POLRMT: variants seen among roughly 807,000 people sequenced by gnomAD.
POLRMT encodes the protein DNA-directed RNA polymerase, mitochondrial.
Under a neutral mutation model 132.2 loss-of-function variants are expected in POLRMT, and 114 were observed. The observed-to-expected ratio is 0.86, with a 90% CI of 0.74 to 1.01. The LOEUF (loss-of-function observed/expected upper bound fraction) is 1.01, where lower values mean the gene tolerates loss of function less well. Among genes scored for constraint, POLRMT ranks in the 50% least tolerant of loss-of-function variants. POLRMT has a pLI of 0.00. For synonymous variants in POLRMT, 1,020 were observed against 773.4 expected (o/e 1.32, Z -5.29); for missense variants, 2,003 against 1,729.1 (o/e 1.16, Z -2.81).
At chr19:626,909 A>ATT (rs1568173718) in intron 3 of POLRMT, among the ~76,000 whole-genome samples, 2 of 150,312 alleles carry the variant, frequency 1.3e-5, no homozygotes, top group African/African-American at 4.9e-5. Context: ...ATATATATAT[A>ATT]TATATAAAAT....
chr19:620,969 G>A (rs1476090272), intron 10 of POLRMT, 89 bp downstream of exon 10: 1 of 725,706 alleles, frequency 1.4e-6, no homozygotes, highest in Non-Finnish European at 1.9e-6. Context: ...CGGGCAGGGG[G>A]CGCGGGGGCG....
Position 620,971 on chromosome 19 carries a change from GCGGGGGCGC to G in POLRMT, c.2640+78_2640+86del, listed in dbSNP as rs1440488131. ...GGGAGGAGGAAGACGGGCAGGGGGC[GCGGGGGCGC>G]CGGGGGAGGGCGCGGGGGCGCCGGG... On this transcript the variant is annotated intron_variant, in intron 10 of 20. Transcript: ENST00000588649. 10 of 781,642 alleles carry G rather than the reference GCGGGGGCGC, an allele frequency of 1.3e-5. No individual in the cohort carries two copies. The African/African-American group carries it at 2.0e-4, about 15-fold the overall frequency. The allele number at this position is 781,642 out of a possible 1,614,324, so 48.4% of individuals were successfully genotyped here.
intron 2 of POLRMT, 58 bp from the exon 3 acceptor site, chr19:630,226 T>C: frequency 1.3e-6 from 2 of 1,521,224 alleles, no homozygotes; most frequent in Non-Finnish European, 1.8e-6. Flanking sequence ...CGAGCACCCG[T>C]CTCTCTGGAC....
At position 617,486 on chromosome 19, in the gene POLRMT, G is replaced by C; in HGVS notation, c.3582-6C>G. 2 of 1,590,768 alleles carry C rather than the reference G, an allele frequency of 1.3e-6. No individual in the cohort carries two copies. The highest frequency in any genetic ancestry group is 1.7e-6 in the Non-Finnish European group (2 of 1,165,624). ...CCTCCAAGATCTTCTGGGGCCTGGGGTTGGAAGCAGGGTGGGGTGAGGCTG... is the reference window on the plus strand; with the variant it reads ...CCTCCAAGATCTTCTGGGGCCTGGGCTTGGAAGCAGGGTGGGGTGAGGCTG... On this transcript the variant is annotated splice_region_variant and splice_polypyrimidine_tract_variant and intron_variant, in intron 19 of 20. Transcript: ENST00000588649.
chr19:630,262 T>C, intron 2 of POLRMT, 94 bp from the exon 3 acceptor site: 2 of 1,431,416 alleles, frequency 1.4e-6, no homozygotes, highest in Non-Finnish European at 1.9e-6. Flanking sequence ...GAGGTGCAGG[T>C]GGCTGAGCTC....
intron 17 of POLRMT, 65 bp from the exon 18 acceptor site, chr19:617,914 C>G: frequency 6.7e-7 from 1 of 1,482,970 alleles, no homozygotes; most frequent in Non-Finnish European, 9.4e-7. Flanking sequence ...GACCAGCATC[C>G]TGGCCCTGCG....
chr19:619,660 C>G lies in POLRMT; in HGVS notation c.2992G>C (p.Val998Leu), dbSNP rs1373258722. 6.2e-7 allele frequency: 1 copy of G among 1,610,610 alleles called. No individual in the cohort carries two copies. The highest frequency in any genetic ancestry group is 8.5e-7 in the Non-Finnish European group (1 of 1,179,620). ...CCGCCATAGCGCGTGACCCCGTACA[C>G]CACCGTCATCACCGTCTGCTTCACC... ...KVVKQTVMTV[V>L]YGVTRYGGRL... The change falls in exon 13 of 21, where the codon GTG becomes CTG. Residue 998 changes from valine to leucine, a missense_variant. Val to Leu is a conservative substitution (Grantham distance 32). Transcript: ENST00000588649.
chr19:622,107 C>T, intron 9 of POLRMT, 42 bp downstream of exon 9: 2 of 1,493,582 alleles, frequency 1.3e-6, no homozygotes, highest in Non-Finnish European at 1.8e-6. Context: ...CCTGGTCCTC[C>T]CAGCGGGATG....
chr19:627,800 C>T (rs898333703), intron 3 of POLRMT, among the ~76,000 whole-genome samples: 3 of 151,726 alleles, frequency 2.0e-5, no homozygotes, highest in Admixed American at 1.3e-4. Flanking sequence ...TGGTGAGTCC[C>T]TGTAATCCCA....
chr19:620,973 GGGGGCGCC>G lies in POLRMT; in HGVS notation c.2640+77_2640+84del, dbSNP rs1204045363. On this transcript the variant is annotated intron_variant, in intron 10 of 20. Coordinates refer to ENST00000588649, the MANE Select transcript of POLRMT (RefSeq NM_005035.4). ...GAGGAGGAAGACGGGCAGGGGGCGC[GGGGGCGCC>G]GGGGGAGGGCGCGGGGGCGCCGGGG... 1.1e-4 allele frequency: 85 copies of G among 772,852 alleles called. 6 individuals are homozygous for G. Among genetic ancestry groups the G allele is most frequent in the Middle Eastern group, 9.3e-4 (2 of 2,156 alleles). The allele number at this position is 772,852 out of a possible 1,614,324, so 47.9% of individuals were successfully genotyped here.
chr19:632,788 G>A (rs1357511493), intron 2 of POLRMT, 46 bp downstream of exon 2: 8 of 1,464,818 alleles, frequency 5.5e-6, no homozygotes, highest in Admixed American at 2.1e-5. Context: ...CCCGGCAGCA[G>A]GGAGCGGACT....
chr19:617,810 C>G lies in POLRMT; in HGVS notation c.3462G>C (p.Trp1154Cys), dbSNP rs1253103832. Residue 1154 changes from tryptophan to cysteine, a missense_variant, in exon 18 of 21, where the codon TGG (tryptophan) becomes TGC (cysteine). Trp to Cys is a radical substitution (Grantham distance 215). Transcript: ENST00000588649. Reference sequence around the variant, plus strand: ...TGACGGAGACATCAGCTGCGTGAGTCCAGTAACAGTCGTGCACAGAGACGA... The same window carrying G: ...TGACGGAGACATCAGCTGCGTGAGTGCAGTAACAGTCGTGCACAGAGACGA... The part of the protein sequence containing the change: ...LTFVSVHDCY[W>C]THAADVSVMN... 6.2e-7 allele frequency: 1 copy of G among 1,613,340 alleles called. No homozygotes were observed. Among genetic ancestry groups the G allele is most frequent in the African/African-American group, 1.3e-5 (1 of 75,010 alleles).
Position 621,057 on chromosome 19 carries a change from C to A in POLRMT, c.2640+1G>T. 1 of 1,589,078 alleles carries A rather than the reference C, an allele frequency of 6.3e-7. No homozygotes were observed. Among genetic ancestry groups the A allele is most frequent in the Non-Finnish European group, 8.5e-7 (1 of 1,171,916 alleles). ...GGGGAATGCGGGGGCCCCGCCCCTA[C>A]CGTCAAGGGTTGGTCCGCGGAGTCC... is the stretch of plus-strand genomic sequence containing the variant. On this transcript the variant is annotated splice_donor_variant, in intron 10 of 20. Coordinates refer to ENST00000588649, the MANE Select transcript of POLRMT (RefSeq NM_005035.4). LOFTEE classifies it high-confidence loss of function.
In POLRMT at chr19:623,541, C is replaced by G; in HGVS notation, c.1203G>C (p.Glu401Asp). 6.2e-7 allele frequency: 1 copy of G among 1,613,708 alleles called. No homozygotes were observed. Among genetic ancestry groups the G allele is most frequent in the South Asian group, 1.1e-5 (1 of 91,076 alleles). ...TGGCCAGCTCCATGTGGAGCTGCTT[C>G]TCAAAGAGGCACTGCAGGGTCTTCA... is the stretch of plus-strand genomic sequence containing the variant. ...LPLKTLQCLF[E>D]KQLHMELASR... is the part of the protein sequence containing the mutation. Residue 401 changes from glutamate (E) to aspartate (D), a missense_variant, in exon 6 of 21, where the codon GAG becomes GAC. Transcript: ENST00000588649.
chr19:621,015 G>A (rs781347248), intron 10 of POLRMT, 43 bp downstream of exon 10: 1 of 1,030,520 alleles, frequency 9.7e-7, no homozygotes. Context: ...GGGAGGGCGC[G>A]GGGGTGCCGG....
chr19:617,645 TC>T lies in POLRMT; in HGVS notation c.3505del (p.Glu1169SerfsTer36). 6.2e-7 allele frequency: 1 copy of T among 1,612,424 alleles called. No individual in the cohort carries two copies. On this transcript the variant is annotated frameshift_variant, in exon 19 of 21. Transcript: ENST00000588649. LOFTEE classifies it high-confidence loss of function. ...CTCGCTGTGCAAGCGGACAAACTGC[TC>T]CCGGCACACCTGGGCAGGAGTCAGA... ...DVSVMNQVCREQFVRLHSEPI... is the reference protein window; with the variant it reads ...DVSVMNQVCRXQFVRLHSEPI...
chr19:631,327 C>G (rs1390333215), intron 2 of POLRMT, among the ~76,000 whole-genome samples: 1 of 60,568 alleles, frequency 1.7e-5, no homozygotes, highest in African/African-American at 6.7e-5. Flanking sequence ...GACCCTGTCT[C>G]AAAAAAAAAA....
At chr19:619,535 T>G in intron 13 of POLRMT, 51 bp downstream of exon 13, 1 of 1,603,918 alleles carries the variant, frequency 6.2e-7, no homozygotes, top group Non-Finnish European at 8.5e-7. Context: ...CCGTCTGAGT[T>G]TTAAATGGCA....
chr19:621,448 G>C lies in POLRMT; in HGVS notation c.2250C>G (p.Ala750=). 1 of 1,397,578 alleles carries C rather than the reference G, an allele frequency of 7.2e-7. No homozygotes were observed. The highest frequency in any genetic ancestry group is 9.2e-7 in the Non-Finnish European group (1 of 1,083,412). The allele number at this position is 1,397,578 out of a possible 1,614,324, so 86.6% of individuals were successfully genotyped here. The change falls in exon 10 of 21, where the codon GCC becomes GCG. Residue 750 remains alanine, a synonymous_variant. Coordinates refer to ENST00000588649, the MANE Select transcript of POLRMT (RefSeq NM_005035.4). Reference sequence around the variant, plus strand: ...GCAGCTCGGCCTTGCGGGCGGGCGCGGCGCTGTGCGGCAGGTGGGCCTCGG... The same window carrying C: ...GCAGCTCGGCCTTGCGGGCGGGCGCCGCGCTGTGCGGCAGGTGGGCCTCGG... The part of the protein sequence containing the change: ...QPPEAHLPHS[A]APARKAELRR...
Sources: gnomAD v4.1 joint callset for allele counts (sites outside exome capture counted in the v4.1 genomes callset) on GRCh38, gnomAD v4.1.1 for gene constraint, MANE v1.5 for transcripts, NCBI Gene and HGNC (gene_info 2026-07-23, HGNC 2026-07-21) for gene names.